Variants in CHTF8 observed in about 807,000 individuals in gnomAD.
CHTF8 encodes chromosome transmission fidelity protein 8 homolog.
Under a neutral mutation model 11.0 loss-of-function variants are expected in CHTF8, and 6 were observed. The ratio of observed to expected loss-of-function variants is 0.55; its 90% CI spans 0.30 to 1.08. The LOEUF (loss-of-function observed/expected upper bound fraction) is 1.08, where lower values mean the gene tolerates loss of function less well. Among genes scored for constraint, CHTF8 ranks in the 50% least tolerant of loss-of-function variants. The pLI is 0.07. For missense variants in CHTF8, 140 were observed against 153.1 expected (o/e 0.91, Z 0.45); for synonymous variants, 53 against 60.5 (o/e 0.88, Z 0.57).
rs1313506678 is a variant in CHTF8 at position 69,119,484 on chromosome 16, T to C, written c.*941A>G. 11 of 702,980 alleles carry C rather than the reference T, an allele frequency of 1.6e-5. No homozygotes were observed. Among genetic ancestry groups the C allele is most frequent in the South Asian group, 1.3e-4 (9 of 67,590 alleles). 43.5% of individuals were successfully genotyped at this position (702,980 alleles called of 1,614,324 possible). A position where few individuals can be genotyped will look rare whatever the true frequency, so the allele number is the denominator to read the frequency against. ...TTCCCCGAGAGCTAGGACCCGAGTT[T>C]GGGCCCATGGGGCCAGGTACTCTTG... On this transcript the variant is annotated 3_prime_UTR_variant, in exon 4 of 4. Coordinates refer to ENST00000448552, the MANE Select transcript of CHTF8 (RefSeq NM_001039690.5).
chr16:69,119,553 G>C lies in CHTF8; in HGVS notation c.*872C>G, dbSNP rs1236156969. ...TGCCCATGTTTCCAGAAGCCTGTGA[G>C]AAAGAAGCTGAATTTGCTCCTAAAA... On this transcript the variant is annotated 3_prime_UTR_variant, in exon 4 of 4. Transcript: ENST00000448552. 4 of 702,792 alleles carry C rather than the reference G, an allele frequency of 5.7e-6. No individual in the cohort carries two copies. Among genetic ancestry groups the C allele is most frequent in the Non-Finnish European group, 1.0e-5 (4 of 384,926 alleles). The allele number at this position is 702,792 out of a possible 1,614,324, so 43.5% of individuals were successfully genotyped here.
intron 1 of CHTF8, among the ~76,000 whole-genome samples, chr16:69,126,201 G>T (rs1286302770): frequency 1.3e-5 from 2 of 152,202 alleles, no homozygotes; most frequent in Non-Finnish European, 2.9e-5. Context: ...ATTCTAGGAA[G>T]ATCAAGGCAG....
In CHTF8 at chr16:69,119,263, G is replaced by A; in HGVS notation, c.*1162C>T. On this transcript the variant is annotated 3_prime_UTR_variant, in exon 4 of 4. Coordinates refer to ENST00000448552, the MANE Select transcript of CHTF8 (RefSeq NM_001039690.5). ...GGTTGGATTTGAGCCCTGGAGGCCA[G>A]CGGACCTTTGGAAGGTAGCTGGGTT... is the stretch of plus-strand genomic sequence containing the variant. The A allele has an allele frequency of 4.3e-6, 3 of 702,960 alleles. No individual in the cohort carries two copies. The East Asian group carries it at 8.0e-5, about 19-fold the overall frequency. 43.5% of individuals were successfully genotyped at this position (702,960 alleles called of 1,614,324 possible). A position where few individuals can be genotyped will look rare whatever the true frequency, so the allele number is the denominator to read the frequency against.
rs570314444 is a variant in CHTF8 at position 69,119,921 on chromosome 16, C to T, written c.*504G>A. The T allele has an allele frequency of 3.8e-5, 27 of 702,618 alleles. No homozygotes were observed. In the East Asian group the frequency reaches 7.2e-4, roughly 19 times the overall value. The allele number at this position is 702,618 out of a possible 1,614,324, so 43.5% of individuals were successfully genotyped here. ...CCCATGGGACCACCACCTCTGGGGTCAGGACCTGCTCCCAGGAGACCACCT... is the reference window on the plus strand; with the variant it reads ...CCCATGGGACCACCACCTCTGGGGTTAGGACCTGCTCCCAGGAGACCACCT... On this transcript the variant is annotated 3_prime_UTR_variant, in exon 4 of 4. Coordinates refer to ENST00000448552, the MANE Select transcript of CHTF8 (RefSeq NM_001039690.5).
Position 69,119,488 on chromosome 16 carries a change from C to A in CHTF8, c.*937G>T. ...CCGAGAGCTAGGACCCGAGTTTGGG[C>A]CCATGGGGCCAGGTACTCTTGCCAT... On this transcript the variant is annotated 3_prime_UTR_variant, in exon 4 of 4. Transcript: ENST00000448552. 2 of 703,002 alleles carry A rather than the reference C, an allele frequency of 2.8e-6. No individual in the cohort carries two copies. The highest frequency in any genetic ancestry group is 5.2e-6 in the Non-Finnish European group (2 of 385,016). 43.5% of individuals were successfully genotyped at this position (703,002 alleles called of 1,614,324 possible).
Position 69,118,260 on chromosome 16 carries a change from G to GAGAA in CHTF8, c.*2161_*2164dup. ...AAATCTGGCCACCTCTAAGTCCCAG[G>GAGAA]AGAAGGGAGCTGCAGGCCCAGTCAG... On this transcript the variant is annotated 3_prime_UTR_variant, in exon 4 of 4. Transcript: ENST00000448552. 1 of 794,882 alleles carries GAGAA rather than the reference G, an allele frequency of 1.3e-6. No individual in the cohort carries two copies. Among genetic ancestry groups the GAGAA allele is most frequent in the East Asian group, 2.6e-5 (1 of 38,500 alleles). The allele number at this position is 794,882 out of a possible 1,614,324, so 49.2% of individuals were successfully genotyped here.
Position 69,120,935 on chromosome 16 carries a change from G to T in CHTF8, c.141+118C>A. 1 of 879,546 alleles carries T rather than the reference G, an allele frequency of 1.1e-6. No individual in the cohort carries two copies. 54.5% of individuals were successfully genotyped at this position (879,546 alleles called of 1,614,324 possible). ...GGGAGAACAAGCAGAGAGCATCGCA[G>T]ATTAGCTAGGCCTTGAATAACAAAC... On this transcript the variant is annotated intron_variant, in intron 3 of 3. Coordinates refer to ENST00000448552, the MANE Select transcript of CHTF8 (RefSeq NM_001039690.5). The surrounding 1 kb of genome is among the most constrained non-coding windows in gnomAD (Gnocchi z 4.0).
At chr16:69,130,211 C>T (rs1207425659) in intron 1 of CHTF8, among the ~76,000 whole-genome samples, 1 of 152,120 alleles carries the variant, frequency 6.6e-6, no homozygotes, top group Non-Finnish European at 1.5e-5. Context: ...CCAATTAAAC[C>T]GAACATATGG....
chr16:69,127,983 C>G (rs563554317), intron 1 of CHTF8, among the ~76,000 whole-genome samples: 3 of 151,938 alleles, frequency 2.0e-5, no homozygotes, highest in East Asian at 3.9e-4. Flanking sequence ...GGCGCAATCT[C>G]GGCTCACTGC....
At position 69,129,159 on chromosome 16, in the gene CHTF8, G is replaced by A. The variant is rs560075177; in HGVS notation, c.-36+3325C>T. On this transcript the variant is annotated intron_variant, in intron 1 of 3. Transcript: ENST00000448552. ...AAAAGCCCAGGCAGAGGCCGGGTGC[G>A]GTGGCTCACACCTGTAATCCCAGCA... 5.9e-5 allele frequency among the ~76,000 whole-genome samples: 9 copies of A among 151,980 alleles called. No individual in the cohort carries two copies. In the South Asian group the frequency reaches 1.0e-3, roughly 18 times the overall value.
Position 69,118,850 on chromosome 16 carries a change from G to T in CHTF8, c.*1575C>A, listed in dbSNP as rs777061343. 1.1e-4 allele frequency: 75 copies of T among 699,776 alleles called. No homozygotes were observed. Among genetic ancestry groups the T allele is most frequent in the Non-Finnish European group, 1.9e-4 (72 of 382,942 alleles). The allele number at this position is 699,776 out of a possible 1,614,324, so 43.3% of individuals were successfully genotyped here. On this transcript the variant is annotated 3_prime_UTR_variant, in exon 4 of 4. Transcript: ENST00000448552. ...CCAAGGTGGTCCTGGAGGGAAAATG[G>T]TGTTTAAGGGGGCAACATTCCATTT...
rs1961658506 is a variant in CHTF8 at position 69,121,504 on chromosome 16, A to T, written c.-35-11T>A. 1 of 1,527,774 alleles carries T rather than the reference A, an allele frequency of 6.5e-7. No individual in the cohort carries two copies. The highest frequency in any genetic ancestry group is 2.2e-5 in the East Asian group (1 of 44,468). 94.6% of individuals were successfully genotyped at this position (1,527,774 alleles called of 1,614,324 possible). On this transcript the variant is annotated splice_polypyrimidine_tract_variant and intron_variant, in intron 1 of 3. Transcript: ENST00000448552. Reference sequence around the variant, plus strand: ...GCAAGTGAAAACAAGCTGTAGAGAGAAAAAAAGAGATTTAGGGTAATAACA... The same window carrying T: ...GCAAGTGAAAACAAGCTGTAGAGAGTAAAAAAGAGATTTAGGGTAATAACA...
At chr16:69,131,424 C>T (rs923232137) in intron 1 of CHTF8, 4 of 151,804 alleles carry the variant, frequency 2.6e-5, no homozygotes, top group African/African-American at 9.7e-5. Context: ...GCCCCCTGTA[C>T]TCCCCCAAAC....
chr16:69,118,634 T>C lies in CHTF8; in HGVS notation c.*1791A>G, dbSNP rs1417536263. On this transcript the variant is annotated 3_prime_UTR_variant, in exon 4 of 4. Transcript: ENST00000448552. The stretch of plus-strand genomic sequence containing the variant: ...TCTGGGAGGCTGGAGATCCTTTCTC[T>C]CAAGGGCAGGATTATTCCCACCTGC... 2 of 702,068 alleles carry C rather than the reference T, an allele frequency of 2.8e-6. No homozygotes were observed. 43.5% of individuals were successfully genotyped at this position (702,068 alleles called of 1,614,324 possible).
chr16:69,123,809 C>T (rs890199847), intron 1 of CHTF8, among the ~76,000 whole-genome samples: 1 of 151,294 alleles, frequency 6.6e-6, no homozygotes, highest in African/African-American at 2.4e-5. Context: ...AGACTTTGGC[C>T]GGGAGCAGTA....
At chr16:69,128,924 C>G (rs1298523349) in intron 1 of CHTF8, among the ~76,000 whole-genome samples, 2 of 152,114 alleles carry the variant, frequency 1.3e-5, no homozygotes, top group African/African-American at 4.8e-5. Flanking sequence ...ATTAGCCAGG[C>G]ATGGTGGCGC....
intron 1 of CHTF8, among the ~76,000 whole-genome samples, chr16:69,121,856 A>G (rs1379634184): frequency 6.6e-6 from 1 of 152,046 alleles, no homozygotes; most frequent in African/African-American, 2.4e-5. Flanking sequence ...TTTTTAGTAG[A>G]GATGGGGTTT....
rs761123744 is a variant in CHTF8 at position 69,121,455 on chromosome 16, C to G, written c.4G>C (p.Val2Leu). 1.2e-6 allele frequency: 2 copies of G among 1,602,844 alleles called. No individual in the cohort carries two copies. Among genetic ancestry groups the G allele is most frequent in the East Asian group, 4.5e-5 (2 of 44,856 alleles). Reference protein sequence around the residue: MVQIVISSARAG... With the variant: MLQIVISSARAG... ...ACTTACCTGGAAATAACAATTTGCA[C>G]CATGAGCTTTCTGTCTTTAAAAAGC... Residue 2 changes from valine (V) to leucine (L), a missense_variant, in exon 2 of 4, where the codon GTG becomes CTG. By Grantham distance (32) the Val-to-Leu change is conservative (BLOSUM62 1). Transcript: ENST00000448552.
chr16:69,120,856 T>C lies in CHTF8; in HGVS notation c.141+197A>G, dbSNP rs1238337941. ...ATAGGAGAATTTCCACTTTCAGAAA[T>C]GTGAGCTTTCCAGATTCCCCAAAAT... On this transcript the variant is annotated intron_variant, in intron 3 of 3. Transcript: ENST00000448552. This position sits in a 1 kb window ranked among gnomAD's most constrained non-coding sequence, Gnocchi z 4.0. The C allele has an allele frequency of 1.3e-6, 1 of 748,042 alleles. No homozygotes were observed. The highest frequency in any genetic ancestry group is 2.7e-5 in the East Asian group (1 of 37,618). The allele number at this position is 748,042 out of a possible 1,614,324, so 46.3% of individuals were successfully genotyped here. A position where few individuals can be genotyped will look rare whatever the true frequency, so the allele number is the denominator to read the frequency against.
Sources: allele counts gnomAD v4.1 joint callset (sites outside exome capture counted in the v4.1 genomes callset), GRCh38; gene constraint gnomAD v4.1.1; non-coding constraint Gnocchi (gnomAD v3.1); transcripts MANE v1.5; gene names NCBI Gene and HGNC (gene_info 2026-07-23, HGNC 2026-07-21).